TRIM39: variants seen among roughly 807,000 people sequenced by gnomAD.
TRIM39 encodes tripartite motif containing 39.
Under a neutral mutation model 53.6 loss-of-function variants are expected in TRIM39, and 5 were observed. The observed-to-expected ratio is 0.09, with a 90% CI of 0.05 to 0.20. TRIM39 has a LOEUF of 0.20. Among genes scored for constraint, TRIM39 ranks in the 10% least tolerant of loss-of-function variants. The probability of loss-of-function intolerance (pLI) is 1.00; values close to 1 mark genes in which losing one functional copy is unlikely to be tolerated. For missense variants in TRIM39, 310 were observed against 621.0 expected, an observed-to-expected ratio of 0.50 and a Z score of 5.32; for synonymous variants, 196 against 237.6, an observed-to-expected ratio of 0.82 and a Z score of 1.61.
rs1786743403 is a variant in TRIM39, at chr6:30,335,466, C to A, written c.550-279C>A. 6.6e-6 allele frequency among the ~76,000 whole-genome samples: 1 copy of A among 152,114 alleles called. No homozygotes were observed. Among genetic ancestry groups the A allele is most frequent in the Non-Finnish European group, 1.5e-5 (1 of 68,014 alleles). On this transcript the variant is annotated intron_variant, in intron 4 of 7. Transcript: ENST00000396551. This position sits in a 1 kb window ranked among gnomAD's most constrained non-coding sequence, Gnocchi z 4.7. ...CCTCTCCAGTAGCTGGGACTACAGG[C>A]ATGCACCACCAGACTCAGCTAATTT...
At chr6:30,328,180 C>T (rs2127382278) in intron 1 of TRIM39, among the ~76,000 whole-genome samples, 1 of 152,330 alleles carries the variant, frequency 6.6e-6, no homozygotes, top group African/African-American at 2.4e-5. Context: ...AATTCGCAAC[C>T]ACTCCAGGAC....
Position 30,335,192 on chromosome 6 carries a change from AG to A in TRIM39, c.550-547del, listed in dbSNP as rs933165913. 2.1e-4 allele frequency among the ~76,000 whole-genome samples: 32 copies of A among 152,330 alleles called. No homozygotes were observed. Among genetic ancestry groups the A allele is most frequent in the Middle Eastern group, 3.4e-3 (1 of 294 alleles). On this transcript the variant is annotated intron_variant, in intron 4 of 7. Coordinates refer to ENST00000396551, the Ensembl canonical transcript of TRIM39. The surrounding 1 kb of genome is among the most constrained non-coding windows in gnomAD (Gnocchi z 4.7). ...TGGTCTTCACTACCAAGTCATCAGTAGGGGGGTGATAGTGATGGAGCCATTC... is the reference window on the plus strand; with the variant it reads ...TGGTCTTCACTACCAAGTCATCAGTAGGGGGTGATAGTGATGGAGCCATTC...
intron 7 of TRIM39, among the ~76,000 whole-genome samples, chr6:30,341,033 C>A (rs918136386): frequency 7.2e-5 from 11 of 152,050 alleles, no homozygotes; most frequent in East Asian, 3.9e-4. Flanking sequence ...CACGGTGAAA[C>A]CCCATCTCTA....
intron 4 of TRIM39, among the ~76,000 whole-genome samples, chr6:30,332,437 A>G (rs372585786): frequency 3.3e-5 from 5 of 152,240 alleles, no homozygotes; most frequent in African/African-American, 1.2e-4. Context: ...AGATCACCAG[A>G]AGCTAAATCC....
intron 4 of TRIM39, among the ~76,000 whole-genome samples, chr6:30,332,989 A>G (rs760018114): frequency 6.6e-6 from 1 of 152,258 alleles, no homozygotes; most frequent in Admixed American, 6.5e-5. Context: ...TAATATAATG[A>G]AACATAATTG....
intron 7 of TRIM39, 61 bp from the exon 8 acceptor site, chr6:30,341,651 G>T (rs1313966632): frequency 6.5e-7 from 1 of 1,537,454 alleles, no homozygotes; most frequent in Non-Finnish European, 8.8e-7. Context: ...GGAAGAGTGA[G>T]GCAGGGGCAT....
chr6:30,333,568 A>G (rs9391762), intron 4 of TRIM39, among the ~76,000 whole-genome samples: 20,648 of 151,542 alleles, frequency 0.14, 1,987 homozygotes, highest in East Asian at 0.37. Flanking sequence ...TCACCGTGTT[A>G]TCCAGGATGG....
In TRIM39 at chr6:30,335,917, C is replaced by T; in HGVS notation, c.722C>T (p.Ala241Val). ...CTTGGGGACAAGCGCCGGGACCTGG[C>T]CCACTTGGCTGCCGAGGTGGAGGGC... Residue 241 changes from alanine (A) to valine (V), a missense_variant, in exon 5 of 8, where the codon GCC (alanine) becomes GTC (valine). Ala to Val is a moderately conservative substitution (Grantham distance 64, BLOSUM62 0). Coordinates refer to ENST00000396551, the Ensembl canonical transcript of TRIM39. The surrounding 1 kb of genome is among the most constrained non-coding windows in gnomAD (Gnocchi z 4.7). The T allele has an allele frequency of 6.2e-7, 1 of 1,612,974 alleles. No individual in the cohort carries two copies. Among genetic ancestry groups the T allele is most frequent in the Non-Finnish European group, 8.5e-7 (1 of 1,180,014 alleles).
chr6:30,335,368 G>A lies in TRIM39; in HGVS notation c.550-377G>A, dbSNP rs1286237590. 6.6e-6 allele frequency among the ~76,000 whole-genome samples: 1 copy of A among 151,892 alleles called. No individual in the cohort carries two copies. Among genetic ancestry groups the A allele is most frequent in the Non-Finnish European group, 1.5e-5 (1 of 68,010 alleles). On this transcript the variant is annotated intron_variant, in intron 4 of 7. Coordinates refer to ENST00000396551, the Ensembl canonical transcript of TRIM39. This position sits in a 1 kb window ranked among gnomAD's most constrained non-coding sequence, Gnocchi z 4.7. ...TCATCTCGATCTGTTGCCCAAGCTG[G>A]AGTGCAATGGTGCAACAATTTCAGC...
chr6:30,328,182 C>G (rs765717588), intron 1 of TRIM39, among the ~76,000 whole-genome samples: 3 of 152,208 alleles, frequency 2.0e-5, no homozygotes, highest in Non-Finnish European at 4.4e-5. Flanking sequence ...TTCGCAACCA[C>G]TCCAGGACCT....
At chr6:30,334,239 A>G (rs1786582691) in intron 4 of TRIM39, among the ~76,000 whole-genome samples, 2 of 151,964 alleles carry the variant, frequency 1.3e-5, no homozygotes, top group Non-Finnish European at 1.5e-5. Flanking sequence ...TTCCCTATCC[A>G]CTTCCTTCTA....
chr6:30,340,678 G>C, intron 7 of TRIM39, 58 bp downstream of exon 7: 1 of 1,551,838 alleles, frequency 6.4e-7, no homozygotes, highest in Non-Finnish European at 8.7e-7. Context: ...AAGTTTTTAG[G>C]TCCTACCTTA....
intron 3 of TRIM39, among the ~76,000 whole-genome samples, chr6:30,330,163 T>C (rs369096129): frequency 3.9e-5 from 6 of 152,216 alleles, no homozygotes; most frequent in East Asian, 1.9e-4. Flanking sequence ...ATAGGTAATA[T>C]CGCTTGAGAC....
chr6:30,336,017 GC>G (rs1644072037), intron 5 of TRIM39, 42 bp downstream of exon 5: 1 of 1,606,882 alleles, frequency 6.2e-7, no homozygotes, highest in African/African-American at 1.3e-5. Context: ...GCTGAGTGCA[GC>G]GTAGCTTTGC....
Position 30,338,848 on chromosome 6 carries a change from A to G in TRIM39, c.781-1060A>G, listed in dbSNP as rs1163100294. 6.6e-6 allele frequency among the ~76,000 whole-genome samples: 1 copy of G among 152,166 alleles called. No homozygotes were observed. Among genetic ancestry groups the G allele is most frequent in the Non-Finnish European group, 1.5e-5 (1 of 68,038 alleles). On this transcript the variant is annotated intron_variant, in intron 5 of 7. Transcript: ENST00000396551. This position sits in a 1 kb window ranked among gnomAD's most constrained non-coding sequence, Gnocchi z 4.0. ...CTTTTGATATGTATATATTAATAATACCTCTAAAGTGTTTGAAATATTTTG... is the reference window on the plus strand; with the variant it reads ...CTTTTGATATGTATATATTAATAATGCCTCTAAAGTGTTTGAAATATTTTG...
chr6:30,331,107 T>TA (rs1399532205), intron 4 of TRIM39, among the ~76,000 whole-genome samples: 3 of 151,936 alleles, frequency 2.0e-5, no homozygotes, highest in Non-Finnish European at 2.9e-5. Flanking sequence ...CTGTCTTTAC[T>TA]AAAAACAAAA....
chr6:30,332,856 TC>T (rs1237849388), intron 4 of TRIM39, among the ~76,000 whole-genome samples: 1 of 152,174 alleles, frequency 6.6e-6, no homozygotes, highest in Non-Finnish European at 1.5e-5. Context: ...TCTCCCTCCT[TC>T]TCCCTCATCA....
chr6:30,339,843 A>T lies in TRIM39; in HGVS notation c.781-65A>T, dbSNP rs1178113621. The T allele has an allele frequency of 6.2e-7, 1 of 1,609,680 alleles. No homozygotes were observed. The highest frequency in any genetic ancestry group is 8.5e-7 in the Non-Finnish European group (1 of 1,176,888). On this transcript the variant is annotated intron_variant, in intron 5 of 7. Coordinates refer to ENST00000396551, the Ensembl canonical transcript of TRIM39. This position sits in a 1 kb window ranked among gnomAD's most constrained non-coding sequence, Gnocchi z 4.2. ...TGTGGAACTTTGGGGAGGAGGGGGA[A>T]CCTTTTGCCTTCAGGACCACTGAAT...
intron 4 of TRIM39, among the ~76,000 whole-genome samples, chr6:30,332,577 T>C (rs969479011): frequency 6.6e-6 from 1 of 152,226 alleles, no homozygotes; most frequent in Admixed American, 6.5e-5. Flanking sequence ...TTTGAACCAA[T>C]TTTGGTTAGA....
Sources: allele counts gnomAD v4.1 joint callset (sites outside exome capture counted in the v4.1 genomes callset), GRCh38; gene constraint gnomAD v4.1.1; non-coding constraint Gnocchi (gnomAD v3.1); transcripts MANE v1.5; gene names NCBI Gene and HGNC (gene_info 2026-07-23, HGNC 2026-07-21).